DDX60: variants seen among roughly 807,000 people sequenced by gnomAD.
DDX60 encodes the protein probable ATP-dependent RNA helicase DDX60.
Under a neutral mutation model 212.8 loss-of-function variants are expected in DDX60, and 165 were observed. That is an observed-to-expected ratio of 0.78 (90% CI 0.68 to 0.88). The LOEUF is 0.88. Among genes scored for constraint, DDX60 ranks in the 40% least tolerant of loss-of-function variants. DDX60 has a pLI of 0.00. For missense variants in DDX60, 1,905 were observed against 2,003.9 expected, an observed-to-expected ratio of 0.95 and a Z score of 0.94; for synonymous variants, 703 against 685.3, an observed-to-expected ratio of 1.03 and a Z score of -0.40.
At chr4:168,220,849 G>A (rs1016270801) in intron 36 of DDX60, 132 bp from the exon 37 acceptor site, 2 of 435,050 alleles carry the variant, frequency 4.6e-6, no homozygotes, top group African/African-American at 4.2e-5. Context: ...AATTATTTCT[G>A]CCACAGACTC....
intron 37 of DDX60, 24 bp from the exon 38 acceptor site, chr4:168,217,056 G>A (rs1732872525): frequency 2.0e-6 from 3 of 1,501,954 alleles, no homozygotes; most frequent in Middle Eastern, 1.7e-4. Context: ...AAAAAATATA[G>A]GATCCACTTT....
intron 33 of DDX60, among the ~76,000 whole-genome samples, chr4:168,229,356 C>T (rs538187428): frequency 5.9e-5 from 9 of 152,202 alleles, no homozygotes; most frequent in Non-Finnish European, 8.8e-5. Context: ...TGGGCACTTT[C>T]GGTCCCCAGA....
At chr4:168,268,496 G>T (rs1174103781) in intron 20 of DDX60, among the ~76,000 whole-genome samples, 2 of 152,040 alleles carry the variant, frequency 1.3e-5, no homozygotes, top group Non-Finnish European at 2.9e-5. Flanking sequence ...TCTGTAAAGT[G>T]GGAAAATGGA....
intron 13 of DDX60, 104 bp from the exon 14 acceptor site, chr4:168,280,694 C>T: frequency 1.5e-6 from 2 of 1,298,276 alleles, no homozygotes; most frequent in Non-Finnish European, 2.1e-6. Flanking sequence ...CTTTGACCAT[C>T]ATCCCATTTT....
intron 25 of DDX60, among the ~76,000 whole-genome samples, chr4:168,258,428 T>A (rs552467219): frequency 7.5e-6 from 1 of 134,146 alleles, no homozygotes; most frequent in East Asian, 2.1e-4. Context: ...ACACTGAATA[T>A]GCTCCATGTA....
At chr4:168,220,847 CT>C in intron 36 of DDX60, 130 bp from the exon 37 acceptor site, 1 of 436,030 alleles carries the variant, frequency 2.3e-6, no homozygotes, top group Non-Finnish European at 4.0e-6. Flanking sequence ...AAAATTATTT[CT>C]GCCACAGACT....
intron 26 of DDX60, among the ~76,000 whole-genome samples, chr4:168,254,341 C>T (rs1327683999): frequency 6.6e-6 from 1 of 152,130 alleles, no homozygotes; most frequent in African/African-American, 2.4e-5. Context: ...AAGGCTTACA[C>T]CTCCTATGCT....
chr4:168,294,007 G>T, intron 6 of DDX60, 62 bp from the exon 7 acceptor site: 1 of 1,479,588 alleles, frequency 6.8e-7, no homozygotes, highest in South Asian at 1.3e-5. Flanking sequence ...ATTTGTAAGT[G>T]ATCTTACTAG....
intron 1 of DDX60, among the ~76,000 whole-genome samples, chr4:168,314,883 A>C (rs1457328789): frequency 1.3e-5 from 2 of 152,186 alleles, no homozygotes; most frequent in Non-Finnish European, 2.9e-5. Context: ...TGTTTCTCTA[A>C]CTACTGAGTA....
intron 6 of DDX60, among the ~76,000 whole-genome samples, chr4:168,300,114 C>T (rs911076809): frequency 6.6e-6 from 1 of 151,666 alleles, no homozygotes; most frequent in Non-Finnish European, 1.5e-5. Flanking sequence ...TGGATTTATT[C>T]CAGTAATATA....
At chr4:168,220,414 T>C in intron 37 of DDX60, 1 of 318,112 alleles carries the variant, frequency 3.1e-6, no homozygotes, top group Non-Finnish European at 5.8e-6. Flanking sequence ...TGCCTGGGGC[T>C]GAGACTCTAG....
rs1398296788 is a variant in DDX60 at position 168,267,634 on chromosome 4, C to T, written c.2987G>A (p.Gly996Asp). The T allele has an allele frequency of 1.2e-6, 2 of 1,603,122 alleles. No individual in the cohort carries two copies. The part of the protein sequence containing the change: ...LEKHVCSIKH[G>D]DIHFDHFHPC... The stretch of plus-strand genomic sequence containing the variant: ...GTGAAAATGATCAAAATGAATGTCA[C>T]CATGTTTTATTGAACATACATGCTT... The change falls in exon 22 of 38, where the codon GGT becomes GAT. Residue 996 changes from glycine to aspartate, a missense_variant. Transcript: ENST00000393743.
At chr4:168,320,243 A>C (rs1737571088), upstream of DDX60, among the ~76,000 whole-genome samples, 1 of 152,230 alleles carries the variant, frequency 6.6e-6, no homozygotes, top group Non-Finnish European at 1.5e-5. Flanking sequence ...AAGAATCTTT[A>C]GAAGAGGAGA....
rs777162148 is a variant in DDX60, at chr4:168,306,386, G to GA, written c.598dup (p.Ser200PhefsTer5). ...CTTTTGGATGTGAATTACCTTCCAG[G>GA]AAAAAATCTGGTGTCTGTACATGCT... is the stretch of plus-strand genomic sequence containing the variant. On this transcript the variant is annotated frameshift_variant, in exon 5 of 38. Coordinates refer to ENST00000393743, the MANE Select transcript of DDX60 (RefSeq NM_017631.6). LOFTEE classifies it high-confidence loss of function. 6 of 1,587,532 alleles carry GA rather than the reference G, an allele frequency of 3.8e-6. No homozygotes were observed. Among genetic ancestry groups the GA allele is most frequent in the East Asian group, 2.3e-5 (1 of 44,442 alleles).
chr4:168,221,184 T>A (rs1733038760), intron 36 of DDX60, among the ~76,000 whole-genome samples: 1 of 152,150 alleles, frequency 6.6e-6, no homozygotes, highest in Admixed American at 6.6e-5. Flanking sequence ...AAAATTGGTT[T>A]CCTGCTTTGA....
chr4:168,221,722 G>A lies in DDX60; in HGVS notation c.4976+8C>T, dbSNP rs1384588811. 1.9e-6 allele frequency: 3 copies of A among 1,601,590 alleles called. No individual in the cohort carries two copies. The highest frequency in any genetic ancestry group is 2.2e-5 in the South Asian group (2 of 89,790). ...ACAGAGAAACAGAGACAGACAGAGA[G>A]GACATACCTGTTATCCTGGACTAAT... On this transcript the variant is annotated splice_region_variant and intron_variant, in intron 36 of 37. Coordinates refer to ENST00000393743, the MANE Select transcript of DDX60 (RefSeq NM_017631.6).
At chr4:168,299,481 TAAA>T (rs1272033177) in intron 6 of DDX60, among the ~76,000 whole-genome samples, 2 of 149,686 alleles carry the variant, frequency 1.3e-5, no homozygotes, top group African/African-American at 4.9e-5. Context: ...CAAAATAAAT[TAAA>T]AAATCAACAG....
chr4:168,225,419 G>C, intron 34 of DDX60, 110 bp downstream of exon 34: 1 of 1,180,714 alleles, frequency 8.5e-7, no homozygotes, highest in Non-Finnish European at 1.2e-6. Context: ...CTCCTCACTT[G>C]AGGGCAAAAT....
At chr4:168,298,178 A>G (rs986264608) in intron 6 of DDX60, among the ~76,000 whole-genome samples, 1 of 152,034 alleles carries the variant, frequency 6.6e-6, no homozygotes, top group African/African-American at 2.4e-5. Flanking sequence ...TAAATAAAAT[A>G]ACAAAGAATA....
Sources: gnomAD v4.1 joint callset for allele counts (sites outside exome capture counted in the v4.1 genomes callset) on GRCh38, gnomAD v4.1.1 for gene constraint, MANE v1.5 for transcripts, NCBI Gene and HGNC (gene_info 2026-07-23, HGNC 2026-07-21) for gene names.